SGMS1: variants seen among roughly 807,000 people sequenced by gnomAD.
The protein encoded by SGMS1 is phosphatidylcholine:ceramide cholinephosphotransferase 1.
SGMS1 carries 13 observed loss-of-function variants against 46.2 expected under a neutral mutation model. That is an observed-to-expected ratio of 0.28 (90% confidence interval 0.18 to 0.45). The LOEUF is 0.45. Among genes scored for constraint, SGMS1 ranks in the 20% least tolerant of loss-of-function variants. The pLI, the probability that SGMS1 is intolerant of heterozygous loss-of-function variation, is 1.00. For missense variants in SGMS1, 324 were observed against 519.9 expected, an observed-to-expected ratio of 0.62 and a Z score of 3.66; for synonymous variants, 203 against 187.8, an observed-to-expected ratio of 1.08 and a Z score of -0.66.
intron 3 of SGMS1, among the ~76,000 whole-genome samples, chr10:50,516,670 T>A (rs1229860820): frequency 6.6e-6 from 1 of 152,200 alleles, no homozygotes; most frequent in Non-Finnish European, 1.5e-5. Flanking sequence ...ATTTTCTTTA[T>A]CCTTAGGTGA....
At chr10:50,517,342 G>C (rs1837815188) in intron 3 of SGMS1, among the ~76,000 whole-genome samples, 2 of 151,940 alleles carry the variant, frequency 1.3e-5, no homozygotes, top group Admixed American at 1.3e-4. Flanking sequence ...AAAATACTCA[G>C]GCAGATTTAA....
At chr10:50,603,821 T>C (rs948780384) in intron 1 of SGMS1, among the ~76,000 whole-genome samples, 4 of 152,032 alleles carry the variant, frequency 2.6e-5, no homozygotes, top group East Asian at 1.9e-4. Context: ...CTGTGAAGAG[T>C]GTACAAAATT....
At chr10:50,591,689 A>G (rs1181995640) in intron 1 of SGMS1, among the ~76,000 whole-genome samples, 1 of 152,254 alleles carries the variant, frequency 6.6e-6, no homozygotes, top group Non-Finnish European at 1.5e-5. Flanking sequence ...TAACCTCTCC[A>G]TAATGAAAGG....
intron 6 of SGMS1, among the ~76,000 whole-genome samples, chr10:50,360,020 A>AT (rs1163477443): frequency 2.0e-5 from 3 of 151,996 alleles, no homozygotes; most frequent in Non-Finnish European, 4.4e-5. Flanking sequence ...AGGGGAAAGG[A>AT]TTTTTTCCCC....
chr10:50,456,119 T>C (rs1330429449), intron 5 of SGMS1, among the ~76,000 whole-genome samples: 1 of 152,146 alleles, frequency 6.6e-6, no homozygotes, highest in Non-Finnish European at 1.5e-5. Context: ...CCATTTTCCA[T>C]CTCTTTTACA....
At chr10:50,452,816 T>G (rs2133664494) in intron 5 of SGMS1, among the ~76,000 whole-genome samples, 1 of 152,320 alleles carries the variant, frequency 6.6e-6, no homozygotes, top group South Asian at 2.1e-4. Flanking sequence ...AGGAACTGCT[T>G]TTTTAACCGT....
intron 2 of SGMS1, among the ~76,000 whole-genome samples, chr10:50,551,756 T>C (rs1465728603): frequency 1.3e-5 from 2 of 152,144 alleles, no homozygotes; most frequent in Non-Finnish European, 2.9e-5. Flanking sequence ...GTAGATTCTA[T>C]GTCCAAAATG....
At chr10:50,479,701 C>T (rs940232758) in intron 3 of SGMS1, among the ~76,000 whole-genome samples, 4 of 152,076 alleles carry the variant, frequency 2.6e-5, no homozygotes, top group African/African-American at 7.2e-5. Flanking sequence ...AAAGCACTTA[C>T]ATTTTGAAAC....
At chr10:50,589,460 A>G (rs1037839423) in intron 2 of SGMS1, among the ~76,000 whole-genome samples, 90 of 151,902 alleles carry the variant, frequency 5.9e-4, no homozygotes, top group Non-Finnish European at 8.1e-4. Context: ...AGGTCTTGCT[A>G]TTAAAAATGG....
chr10:50,408,557 C>T (rs373559944), intron 6 of SGMS1, among the ~76,000 whole-genome samples: 73 of 152,116 alleles, frequency 4.8e-4, no homozygotes, highest in African/African-American at 1.6e-3. Context: ...GTGGCACGCA[C>T]CTGTAGTCCC....
intron 6 of SGMS1, among the ~76,000 whole-genome samples, chr10:50,367,371 A>C (rs1485616509): frequency 6.6e-6 from 1 of 152,252 alleles, no homozygotes. Context: ...TTATTTAGAT[A>C]GCTACAAAAG....
chr10:50,444,726 TAA>T (rs55804486), intron 5 of SGMS1, among the ~76,000 whole-genome samples: 85 of 151,106 alleles, frequency 5.6e-4, no homozygotes, highest in African/African-American at 1.8e-3. Flanking sequence ...CCCCATTTAT[TAA>T]AAAAAAAATA....
intron 6 of SGMS1, among the ~76,000 whole-genome samples, chr10:50,350,402 GGGA>G (rs1488352090): frequency 1.6e-4 from 25 of 152,312 alleles, no homozygotes; most frequent in African/African-American, 5.8e-4. Context: ...ACATTTTCCT[GGGA>G]GAAATTCAAG....
chr10:50,465,878 T>C (rs1422470427), intron 4 of SGMS1, among the ~76,000 whole-genome samples: 3 of 151,230 alleles, frequency 2.0e-5, no homozygotes, highest in African/African-American at 4.8e-5. Flanking sequence ...AACAACCAAC[T>C]TGGAGGCAGA....
intron 3 of SGMS1, among the ~76,000 whole-genome samples, chr10:50,501,723 A>G (rs554630866): frequency 6.6e-6 from 1 of 152,284 alleles, no homozygotes; most frequent in Non-Finnish European, 1.5e-5. Flanking sequence ...GTTCTGTCCT[A>G]TGTTTGGTGC....
At chr10:50,624,556 G>C (rs1838898246), upstream of SGMS1, 4 of 979,762 alleles carry the variant, frequency 4.1e-6, no homozygotes, top group Non-Finnish European at 4.8e-6. Context: ...CTAACCGCGC[G>C]AGGTGAAAAC....
At chr10:50,311,479 A>G in intron 8 of SGMS1, 64 bp from the exon 9 acceptor site, 1 of 1,438,292 alleles carries the variant, frequency 7.0e-7, no homozygotes, top group Non-Finnish European at 9.4e-7. Flanking sequence ...AAATGTGCGA[A>G]GATTACTATT....
chr10:50,325,192 A>C (rs2133309252), intron 8 of SGMS1, among the ~76,000 whole-genome samples: 1 of 152,350 alleles, frequency 6.6e-6, no homozygotes, highest in African/African-American at 2.4e-5. Flanking sequence ...CAAATGTTGC[A>C]AATCTTGATA....
chr10:50,582,094 A>C (rs901146326), intron 2 of SGMS1, among the ~76,000 whole-genome samples: 6 of 152,172 alleles, frequency 3.9e-5, no homozygotes, highest in Non-Finnish European at 8.8e-5. Context: ...TTTTCCTCAA[A>C]AGCACGGCAG....
Sources: gnomAD v4.1 joint callset for allele counts (sites outside exome capture counted in the v4.1 genomes callset) on GRCh38, gnomAD v4.1.1 for gene constraint, MANE v1.5 for transcripts, NCBI Gene and HGNC (gene_info 2026-07-23, HGNC 2026-07-21) for gene names.